TENM2: variants seen among roughly 807,000 people sequenced by gnomAD.
The protein encoded by TENM2 is teneurin-2.
Under a neutral mutation model 245.2 loss-of-function variants are expected in TENM2, and 52 were observed. The observed-to-expected ratio is 0.21, with a 90% CI of 0.17 to 0.27. The LOEUF (loss-of-function observed/expected upper bound fraction) is 0.27. Among genes scored for constraint, TENM2 ranks in the 10% least tolerant of loss-of-function variants. TENM2 has a pLI of 1.00. For synonymous variants in TENM2, 1,363 were observed against 1,438.9 expected (o/e 0.95, Z 1.19); for missense variants, 3,046 against 3,666.8 (o/e 0.83, Z 4.37).
At chr5:167,021,068 C>G in the TENM2 span, among the ~76,000 whole-genome samples, 1 of 152,100 alleles carries the variant, frequency 6.6e-6, no homozygotes, top group African/African-American at 2.4e-5. Flanking sequence ...TGCTTCAACC[C>G]AGGAGGGGGA....
chr5:167,152,851 T>C, the TENM2 span, among the ~76,000 whole-genome samples: 1 of 152,184 alleles, frequency 6.6e-6, no homozygotes, highest in Non-Finnish European at 1.5e-5. Context: ...TTGATACTTC[T>C]ACATTGTTTA....
chr5:168,080,421 T>C (rs964430830), intron 7 of TENM2, among the ~76,000 whole-genome samples: 2 of 152,220 alleles, frequency 1.3e-5, no homozygotes. Context: ...TTTTTGTGTG[T>C]CTATCTCCTT....
chr5:167,400,585 C>A (rs1015884218), intron 2 of TENM2, among the ~76,000 whole-genome samples: 1 of 151,618 alleles, frequency 6.6e-6, no homozygotes, highest in South Asian at 2.1e-4. Flanking sequence ...GATAAGAAAA[C>A]CATCACCCAT....
At chr5:167,945,421 G>A (rs967136149) in intron 3 of TENM2, among the ~76,000 whole-genome samples, 1 of 152,120 alleles carries the variant, frequency 6.6e-6, no homozygotes, top group South Asian at 2.1e-4. Context: ...CTTTAAAGGG[G>A]AGAGCAATAT....
chr5:167,545,043 G>T (rs937808819), intron 2 of TENM2, among the ~76,000 whole-genome samples: 17 of 151,984 alleles, frequency 1.1e-4, no homozygotes, highest in Admixed American at 1.1e-3. Flanking sequence ...TTTTCTATTT[G>T]CTGCTGATCT....
At chr5:167,145,688 A>G in the TENM2 span, among the ~76,000 whole-genome samples, 1 of 152,208 alleles carries the variant, frequency 6.6e-6, no homozygotes, top group Non-Finnish European at 1.5e-5. Flanking sequence ...TCACATATAC[A>G]AATGATTTTT....
At chr5:167,708,693 G>A (rs552491556) in intron 2 of TENM2, among the ~76,000 whole-genome samples, 5 of 152,124 alleles carry the variant, frequency 3.3e-5, no homozygotes, top group South Asian at 2.1e-4. Context: ...AGGCCTCCCC[G>A]CCAGCCTCTC....
At chr5:167,865,241 A>T (rs1772204906) in intron 2 of TENM2, among the ~76,000 whole-genome samples, 1 of 152,130 alleles carries the variant, frequency 6.6e-6, no homozygotes, top group Non-Finnish European at 1.5e-5. Flanking sequence ...AAGCTTTCAT[A>T]ATTAGAGTCA....
chr5:168,170,740 C>T (rs1482616133), intron 13 of TENM2, among the ~76,000 whole-genome samples: 2 of 152,172 alleles, frequency 1.3e-5, no homozygotes, highest in East Asian at 3.9e-4. Context: ...TGTTCCTCCA[C>T]ACAGCAGCCA....
chr5:167,480,355 A>T (rs546179455), intron 2 of TENM2, among the ~76,000 whole-genome samples: 8 of 152,340 alleles, frequency 5.3e-5, no homozygotes, highest in African/African-American at 1.9e-4. Flanking sequence ...ACACCTTTTT[A>T]TCAGGTACAA....
the TENM2 span, among the ~76,000 whole-genome samples, chr5:167,083,432 A>G: frequency 6.6e-6 from 1 of 152,162 alleles, no homozygotes; most frequent in African/African-American, 2.4e-5. Flanking sequence ...GGATGAATGA[A>G]TAAATTCTGT....
chr5:168,169,804 G>A (rs1207704318), intron 13 of TENM2, among the ~76,000 whole-genome samples: 1 of 152,152 alleles, frequency 6.6e-6, no homozygotes, highest in African/African-American at 2.4e-5. Context: ...GGATTGGTTG[G>A]GTGGGGGACA....
rs6876801 is a variant in TENM2 at position 167,702,805 on chromosome 5, C to T, written c.503-173181C>T. 7.2e-5 allele frequency among the ~76,000 whole-genome samples: 11 copies of T among 152,084 alleles called. No homozygotes were observed. In the South Asian group the frequency reaches 1.5e-3, roughly 20 times the overall value. ...TCAGCCTCCCAAGTAGCTGGGATTA[C>T]AGGCATGCGCCACCATGCCCAGGTA... On this transcript the variant is annotated intron_variant, in intron 2 of 28. Transcript: ENST00000518659.
chr5:168,223,977 A>G (rs1350534461), intron 23 of TENM2, among the ~76,000 whole-genome samples: 1 of 152,014 alleles, frequency 6.6e-6, no homozygotes, highest in Admixed American at 6.6e-5. Flanking sequence ...CTTCCACTCA[A>G]CACGTGTAGA....
At chr5:167,216,933 A>G in the TENM2 span, among the ~76,000 whole-genome samples, 1 of 152,182 alleles carries the variant, frequency 6.6e-6, no homozygotes, top group Non-Finnish European at 1.5e-5. Flanking sequence ...TCTCAAAAAA[A>G]AAAAGACACC....
At chr5:167,932,161 G>A (rs1363641179) in intron 3 of TENM2, among the ~76,000 whole-genome samples, 2 of 152,180 alleles carry the variant, frequency 1.3e-5, no homozygotes, top group African/African-American at 4.8e-5. Context: ...TGGCTGCTTA[G>A]CAGCACACAT....
chr5:168,027,918 C>T (rs533846357), intron 5 of TENM2, among the ~76,000 whole-genome samples: 2 of 152,250 alleles, frequency 1.3e-5, no homozygotes, highest in South Asian at 4.2e-4. Context: ...AAGACGTCCA[C>T]CTATTGCTTT....
intron 2 of TENM2, chr5:167,821,201 A>G (rs1474092308): frequency 6.6e-6 from 1 of 152,208 alleles, no homozygotes; most frequent in Non-Finnish European, 1.5e-5. Flanking sequence ...CCTTTTGATT[A>G]AGGCATTTGG....
At chr5:166,984,890 C>A in the TENM2 span, among the ~76,000 whole-genome samples, 2 of 151,946 alleles carry the variant, frequency 1.3e-5, no homozygotes, top group Non-Finnish European at 2.9e-5. Context: ...GAAACATAAG[C>A]AAATTAAAGC....
Sources: allele counts gnomAD v4.1 joint callset (sites outside exome capture counted in the v4.1 genomes callset), GRCh38; gene constraint gnomAD v4.1.1; transcripts MANE v1.5; gene names NCBI Gene and HGNC (gene_info 2026-07-23, HGNC 2026-07-21).